Variants in EPPK1 observed in about 807,000 individuals in gnomAD.
EPPK1 encodes epiplakin.
For missense variants in EPPK1, 3,823 were observed against 3,673.3 expected, an observed-to-expected ratio of 1.04 and a Z score of -1.05; for synonymous variants, 1,862 against 1,721.2, an observed-to-expected ratio of 1.08 and a Z score of -2.03.
In EPPK1 at chr8:143,870,073, G is replaced by A. The variant is rs200722183; in HGVS notation, c.3181C>T (p.Pro1061Ser). 3.7e-5 allele frequency: 60 copies of A among 1,610,402 alleles called. No homozygotes were observed. Among genetic ancestry groups the A allele is most frequent in the Non-Finnish European group, 4.7e-5 (55 of 1,178,886 alleles). ...DPTSHHHLPM[P>S]VAIQRGYVDQ... ...ACATAGCCACGCTGAATGGCCACTG[G>A]CATGGGGAGGTGGTGGTGGCTGGTG... The change falls in exon 2 of 2, where the codon CCA (proline) becomes TCA (serine). Residue 1061 changes from proline (P) to serine (S), a missense_variant. By Grantham distance (74) the Pro-to-Ser change is moderately conservative. Coordinates refer to ENST00000615648, the MANE Select transcript of EPPK1 (RefSeq NM_031308.4). The surrounding 1 kb of genome is among the most constrained non-coding windows in gnomAD (Gnocchi z 5.2).
Position 143,868,780 on chromosome 8 carries a change from A to G in EPPK1, c.4474T>C (p.Ser1492Pro), listed in dbSNP as rs2130631882. ...TGCCGCAGGGCCGCAGCCCTCCCAGACCGACAGAGTGCCACCAGCTCCCGC... is the reference window on the plus strand; with the variant it reads ...TGCCGCAGGGCCGCAGCCCTCCCAGGCCGACAGAGTGCCACCAGCTCCCGC... ...KRRELVALCR[S>P]GRAAALRQVV... Residue 1492 changes from serine (S) to proline (P), a missense_variant, in exon 2 of 2, where the codon TCT (serine) becomes CCT (proline). Transcript: ENST00000615648. 3 of 1,598,644 alleles carry G rather than the reference A, an allele frequency of 1.9e-6. No homozygotes were observed. The highest frequency in any genetic ancestry group is 8.5e-7 in the Non-Finnish European group (1 of 1,177,536).
intron 1 of EPPK1, among the ~76,000 whole-genome samples, chr8:143,873,670 C>G (rs1006213998): frequency 4.0e-5 from 6 of 151,862 alleles, no homozygotes; most frequent in African/African-American, 1.5e-4. Context: ...TAGCCCTGCC[C>G]GAGGGGCCCA....
rs534762447 is a variant in EPPK1 at position 143,874,406 on chromosome 8, C to G, written c.-45-1108G>C. ...AGATATCACCCAGTTAAGGTGAGGT[C>G]ATACCGGGCTAGGATTGGCTGTTAT... On this transcript the variant is annotated intron_variant, in intron 1 of 1. Transcript: ENST00000615648. Among the ~76,000 whole-genome samples the G allele has an allele frequency of 3.3e-5, 5 of 152,364 alleles. No homozygotes were observed. The South Asian group carries it at 1.0e-3, about 32-fold the overall frequency.
At position 143,870,948 on chromosome 8, in the gene EPPK1, T is replaced by G; in HGVS notation, c.2306A>C (p.Asp769Ala). ...CGTGAGGTTCTCGTGCGTGTTGGGG[T>G]CGAAGAAGCCCTTGGTGTCGTCAGA... The part of the protein sequence containing the change: ...DPSDDTKGFF[D>A]PNTHENLTYL... Residue 769 changes from aspartate (D) to alanine (A), a missense_variant, in exon 2 of 2, where the codon GAC becomes GCC. Transcript: ENST00000615648. This position sits in a 1 kb window ranked among gnomAD's most constrained non-coding sequence, Gnocchi z 5.2. 9 of 1,613,070 alleles carry G rather than the reference T, an allele frequency of 5.6e-6. No homozygotes were observed. Among genetic ancestry groups the G allele is most frequent in the Non-Finnish European group, 7.6e-6 (9 of 1,179,916 alleles).
rs782618104 is a variant in EPPK1 at position 143,871,363 on chromosome 8, A to G, written c.1891T>C (p.Cys631Arg). ...GTGCCGGGCCGGAGGAGCCCCTTGC[A>G]TCGGGCCTCATAGATGCTCAGGCGT... ...QERLSIYEAR[C>R]KGLLRPGTAL... Residue 631 changes from cysteine (C) to arginine (R), a missense_variant, in exon 2 of 2, where the codon TGC becomes CGC. Coordinates refer to ENST00000615648, the MANE Select transcript of EPPK1 (RefSeq NM_031308.4). The G allele has an allele frequency of 4.4e-6, 7 of 1,608,616 alleles. No individual in the cohort carries two copies. In the African/African-American group the frequency reaches 9.4e-5, roughly 21 times the overall value.
rs1345976547 is a variant in EPPK1 at position 143,866,601 on chromosome 8, C to T, written c.6653G>A (p.Arg2218His). ...GATGCAGCTGGTGCCCTCCAGGTAGCGCTTGACGCGGTCGTCCTCCATGAG... is the reference window on the plus strand; with the variant it reads ...GATGCAGCTGGTGCCCTCCAGGTAGTGCTTGACGCGGTCGTCCTCCATGAG... ...QELMEDDRVK[R>H]YLEGTSCIAG... Residue 2218 changes from arginine (R) to histidine (H), a missense_variant, in exon 2 of 2, where the codon CGC (arginine) becomes CAC (histidine). Transcript: ENST00000615648. The T allele has an allele frequency of 5.6e-5, 91 of 1,612,590 alleles. No homozygotes were observed. The highest frequency in any genetic ancestry group is 2.5e-4 in the Admixed American group (15 of 60,006).
Position 143,866,391 on chromosome 8 carries a change from G to A in EPPK1, c.6863C>T (p.Ala2288Val). The change falls in exon 2 of 2, where the codon GCC (alanine) becomes GTC (valine). Residue 2288 changes from alanine (A) to valine (V), a missense_variant. Physicochemically the swap from Ala to Val is moderately conservative, Grantham distance 64 (BLOSUM62 0). Coordinates refer to ENST00000615648, the MANE Select transcript of EPPK1 (RefSeq NM_031308.4). ...NLRLSVEEAV[A>V]AGVVGGEIQE... is the part of the protein sequence containing the mutation. ...GATCTCGCCGCCCACCACGCCCGCG[G>A]CCACGGCCTCCTCCACCGACAGCCT... is the stretch of plus-strand genomic sequence containing the variant. 2 of 1,038,190 alleles carry A rather than the reference G, an allele frequency of 1.9e-6. No homozygotes were observed. The highest frequency in any genetic ancestry group is 2.7e-6 in the Non-Finnish European group (2 of 749,914). The allele number at this position is 1,038,190 out of a possible 1,614,324, so 64.3% of individuals were successfully genotyped here.
chr8:143,862,186 C>T lies in EPPK1; in HGVS notation c.11068G>A (p.Glu3690Lys). 4.7e-6 allele frequency: 1 copy of T among 210,690 alleles called. No homozygotes were observed. The highest frequency in any genetic ancestry group is 6.1e-5 in the East Asian group (1 of 16,496). The allele number at this position is 210,690 out of a possible 1,614,324, so 13.1% of individuals were successfully genotyped here. A position where few individuals can be genotyped will look rare whatever the true frequency, so the allele number is the denominator to read the frequency against. Reference protein sequence around the residue: ...REGQGEGETQEAAAATAAARR... With the variant: ...REGQGEGETQKAAAATAAARR... ...GCGGCGGCGGTGGCGGCGGCGGCCT[C>T]CTGGGTCTCGCCCTCCCCCTGGCCC... Residue 3690 changes from glutamate (E) to lysine (K), a missense_variant, in exon 2 of 2, where the codon GAG becomes AAG. Physicochemically the swap from Glu to Lys is moderately conservative, Grantham distance 56. Transcript: ENST00000615648.
Position 143,866,960 on chromosome 8 carries a change from C to G in EPPK1, c.6294G>C (p.Glu2098Asp), listed in dbSNP as rs1819140559. The G allele has an allele frequency of 3.1e-6, 5 of 1,612,868 alleles. No homozygotes were observed. Among genetic ancestry groups the G allele is most frequent in the East Asian group, 4.5e-5 (2 of 44,880 alleles). Residue 2098 changes from glutamate (E) to aspartate (D), a missense_variant, in exon 2 of 2, where the codon GAG becomes GAC. By Grantham distance (45) the Glu-to-Asp change is conservative (BLOSUM62 2). Transcript: ENST00000615648. ...AARDSEHIDD[E>D]TRRALEAEQV... ...GCTCTGCCTCCAGGGCCCTTCTCGTCTCGTCATCGATGTGCTCGGAGTCCC... is the reference window on the plus strand; with the variant it reads ...GCTCTGCCTCCAGGGCCCTTCTCGTGTCGTCATCGATGTGCTCGGAGTCCC...
rs1366122751 is a variant in EPPK1 at position 143,866,557 on chromosome 8, C to A, written c.6697G>T (p.Ala2233Ser). 32 of 1,602,644 alleles carry A rather than the reference C, an allele frequency of 2.0e-5. 2 individuals carry two copies. The African/African-American group carries it at 2.0e-4, about 10-fold the overall frequency. ...TSCIAGVLVP[A>S]KDQPGRQEKM... ...TCCTGGCGGCCGGGCTGGTCCTTGG[C>A]GGGCACCAGGACGCCCGCGATGCAG... The change falls in exon 2 of 2, where the codon GCC becomes TCC. Residue 2233 changes from alanine to serine, a missense_variant. Coordinates refer to ENST00000615648, the MANE Select transcript of EPPK1 (RefSeq NM_031308.4).
intron 1 of EPPK1, among the ~76,000 whole-genome samples, chr8:143,876,239 T>C (rs1265349957): frequency 1.3e-5 from 2 of 151,952 alleles, no homozygotes; most frequent in African/African-American, 4.8e-5. Context: ...TCATGGTAAA[T>C]AGAACATCAC....
At chr8:143,874,066 C>A (rs1819433869) in intron 1 of EPPK1, among the ~76,000 whole-genome samples, 1 of 152,262 alleles carries the variant, frequency 6.6e-6, no homozygotes, top group Non-Finnish European at 1.5e-5. Flanking sequence ...GGGCCGCAGG[C>A]TCAGCAGACG....
At chr8:143,875,886 G>A (rs550591857) in intron 1 of EPPK1, among the ~76,000 whole-genome samples, 2 of 152,344 alleles carry the variant, frequency 1.3e-5, no homozygotes, top group South Asian at 2.1e-4. Context: ...TCCCATGTGC[G>A]TGTGTCCCAG....
intron 1 of EPPK1, among the ~76,000 whole-genome samples, chr8:143,874,061 G>A (rs541705599): frequency 1.1e-4 from 16 of 152,358 alleles, no homozygotes; most frequent in African/African-American, 2.6e-4. Flanking sequence ...CCCGGGGGCC[G>A]CAGGCTCAGC....
At position 143,868,991 on chromosome 8, in the gene EPPK1, G is replaced by A. The variant is rs782632552; in HGVS notation, c.4263C>T (p.Cys1421=). The stretch of plus-strand genomic sequence containing the variant: ...ACAATCCGGTCTCGGAGTCGCACAC[G>A]CAGCGCTCCCTGAGCTGCTGGTAGG... ...QVTYQQLRER[C]VCDSETGLLL... Residue 1421 remains cysteine (C), a synonymous_variant, in exon 2 of 2, where the codon TGC becomes TGT. Coordinates refer to ENST00000615648, the MANE Select transcript of EPPK1 (RefSeq NM_031308.4). The A allele has an allele frequency of 3.0e-5, 49 of 1,610,038 alleles. No homozygotes were observed. Among genetic ancestry groups the A allele is most frequent in the Middle Eastern group, 1.6e-4 (1 of 6,084 alleles).
At position 143,871,454 on chromosome 8, in the gene EPPK1, G is replaced by T. The variant is rs782036759; in HGVS notation, c.1800C>A (p.Ala600=). The T allele has an allele frequency of 6.2e-7, 1 of 1,607,204 alleles. No individual in the cohort carries two copies. Among genetic ancestry groups the T allele is most frequent in the Non-Finnish European group, 8.5e-7 (1 of 1,177,966 alleles). ...QATAKDVGSL[A]SVQRYLQGTG... is the part of the protein sequence containing the mutation. ...TACCCTGCAGGTACCTCTGCACCGAGGCCAGGCTGCCCACATCCTTGGCTG... is the reference window on the plus strand; with the variant it reads ...TACCCTGCAGGTACCTCTGCACCGATGCCAGGCTGCCCACATCCTTGGCTG... The change falls in exon 2 of 2, where the codon GCC becomes GCA. Residue 600 remains alanine (A), a synonymous_variant. Coordinates refer to ENST00000615648, the MANE Select transcript of EPPK1 (RefSeq NM_031308.4).
chr8:143,866,593 C>G lies in EPPK1; in HGVS notation c.6661G>C (p.Glu2221Gln). Residue 2221 changes from glutamate to glutamine, a missense_variant, in exon 2 of 2, where the codon GAG becomes CAG. Transcript: ENST00000615648. The part of the protein sequence containing the change: ...MEDDRVKRYL[E>Q]GTSCIAGVLV... ...ACGCCCGCGATGCAGCTGGTGCCCT[C>G]CAGGTAGCGCTTGACGCGGTCGTCC... 1 of 1,612,592 alleles carries G rather than the reference C, an allele frequency of 6.2e-7. No homozygotes were observed. Among genetic ancestry groups the G allele is most frequent in the South Asian group, 1.1e-5 (1 of 91,068 alleles).
At position 143,872,737 on chromosome 8, in the gene EPPK1, G is replaced by C; in HGVS notation, c.517C>G (p.Pro173Ala). 1 of 1,594,300 alleles carries C rather than the reference G, an allele frequency of 6.3e-7. No individual in the cohort carries two copies. The change falls in exon 2 of 2, where the codon CCA becomes GCA. Residue 173 changes from proline (P) to alanine (A), a missense_variant. Transcript: ENST00000615648. Reference protein sequence around the residue: ...PAQGVLVAPEPACHQGLLDRE... With the variant: ...PAQGVLVAPEAACHQGLLDRE... ...TCCAGGAGGCCCTGGTGGCAGGCTG[G>C]CTCAGGGGCCACGAGCACTCCCTGG...
rs782461729 is a variant in EPPK1, at chr8:143,867,199, G to T, written c.6055C>A (p.Pro2019Thr). ...VQVATGGVID[P>T]QHHHRLPLET... ...AGTGGGAGCCGGTGGTGGTGCTGTG[G>T]GTCGATGACACCCCCCGTGGCCACC... Residue 2019 changes from proline to threonine, a missense_variant, in exon 2 of 2, where the codon CCA (proline) becomes ACA (threonine). Physicochemically the swap from Pro to Thr is conservative, Grantham distance 38. Coordinates refer to ENST00000615648, the MANE Select transcript of EPPK1 (RefSeq NM_031308.4). The T allele has an allele frequency of 1.2e-6, 2 of 1,612,612 alleles. No homozygotes were observed. The highest frequency in any genetic ancestry group is 1.1e-5 in the South Asian group (1 of 91,076).
Sources: gnomAD v4.1 joint callset for allele counts (sites outside exome capture counted in the v4.1 genomes callset) on GRCh38, gnomAD v4.1.1 for gene constraint, Gnocchi (gnomAD v3.1) non-coding constraint, MANE v1.5 for transcripts, NCBI Gene and HGNC (gene_info 2026-07-23, HGNC 2026-07-21) for gene names.